CAPN13: variants seen among roughly 807,000 people sequenced by gnomAD.
CAPN13 encodes the protein calpain-13.
A neutral mutation model predicts 98.4 loss-of-function variants in CAPN13; 90 were observed. The observed-to-expected ratio is 0.92, with a 90% CI of 0.77 to 1.09. CAPN13 has a LOEUF of 1.09. Ranked by LOEUF, CAPN13 falls within the 50% of genes least tolerant of loss-of-function variation. The probability of loss-of-function intolerance (pLI) is 0.00; values close to 1 mark genes in which losing one functional copy is unlikely to be tolerated. For missense variants in CAPN13, 887 were observed against 841.3 expected (o/e 1.05, Z -0.67); for synonymous variants, 330 against 305.5 (o/e 1.08, Z -0.84).
chr2:30,784,738 T>C (rs1468926463), intron 2 of CAPN13, among the ~76,000 whole-genome samples: 2 of 152,202 alleles, frequency 1.3e-5, no homozygotes, highest in African/African-American at 4.8e-5. Flanking sequence ...AGCTCTAGTA[T>C]CATCTAACTA....
chr2:30,729,505 A>G (rs1670984767), intron 22 of CAPN13: 1 of 152,224 alleles, frequency 6.6e-6, no homozygotes. Context: ...GCTTAAATAT[A>G]CAATTGAAGA....
Position 30,738,221 on chromosome 2 carries a change from A to C in CAPN13, c.1653+14T>G, listed in dbSNP as rs769260752. ...GGGTGCTCAGAGCATGGGAGGGATG[A>C]CCGCAAAGGATACTTCCATCAGAGC... On this transcript the variant is annotated intron_variant, in intron 17 of 22. Coordinates refer to ENST00000295055, the MANE Select transcript of CAPN13 (RefSeq NM_144575.3). The C allele has an allele frequency of 1.2e-6, 2 of 1,613,866 alleles. No individual in the cohort carries two copies. Among genetic ancestry groups the C allele is most frequent in the Non-Finnish European group, 1.7e-6 (2 of 1,179,828 alleles).
intron 1 of CAPN13, among the ~76,000 whole-genome samples, chr2:30,799,672 G>A (rs570792815): frequency 5.9e-5 from 9 of 152,174 alleles, no homozygotes; most frequent in Non-Finnish European, 1.2e-4. Flanking sequence ...GAGGGGCAGA[G>A]GTAAGCTAGT....
intron 5 of CAPN13, 84 bp downstream of exon 5, chr2:30,770,229 T>C: frequency 3.9e-6 from 6 of 1,540,492 alleles, no homozygotes; most frequent in Non-Finnish European, 5.3e-6. Flanking sequence ...AAGGCTGCAA[T>C]GCTCCAACAG....
chr2:30,804,446 G>T (rs779882292), intron 1 of CAPN13, among the ~76,000 whole-genome samples: 2 of 152,048 alleles, frequency 1.3e-5, no homozygotes, highest in Non-Finnish European at 2.9e-5. Flanking sequence ...CAGGCAATCC[G>T]CCCACCTCGG....
At chr2:30,794,469 A>G (rs978962876) in intron 1 of CAPN13, among the ~76,000 whole-genome samples, 3 of 151,964 alleles carry the variant, frequency 2.0e-5, no homozygotes, top group African/African-American at 7.2e-5. Flanking sequence ...TGGTATGACT[A>G]CATTAGAAAA....
intron 2 of CAPN13, among the ~76,000 whole-genome samples, chr2:30,785,107 C>T (rs921669216): frequency 6.6e-6 from 1 of 152,232 alleles, no homozygotes; most frequent in African/African-American, 2.4e-5. Context: ...GCATCAGGCA[C>T]ATGTAGATAG....
intron 8 of CAPN13, among the ~76,000 whole-genome samples, chr2:30,757,473 G>A (rs955227698): frequency 3.9e-5 from 6 of 152,190 alleles, no homozygotes; most frequent in African/African-American, 9.6e-5. Flanking sequence ...CCCAGGCGCC[G>A]AGTACTCATG....
chr2:30,751,331 T>G, intron 10 of CAPN13, 80 bp from the exon 11 acceptor site: 1 of 1,501,354 alleles, frequency 6.7e-7, no homozygotes, highest in Non-Finnish European at 9.1e-7. Context: ...TGCAGAGAGT[T>G]CTGTGGGGTT....
At chr2:30,772,467 C>G (rs546632276) in intron 4 of CAPN13, among the ~76,000 whole-genome samples, 1 of 152,164 alleles carries the variant, frequency 6.6e-6, no homozygotes, top group African/African-American at 2.4e-5. Context: ...AAGGGCAAAG[C>G]GAGTCCTGCC....
At chr2:30,766,344 A>C (rs960803543) in intron 5 of CAPN13, among the ~76,000 whole-genome samples, 1 of 151,900 alleles carries the variant, frequency 6.6e-6, no homozygotes, top group Non-Finnish European at 1.5e-5. Context: ...AACCAAAGGC[A>C]CTCCCTGCCA....
intron 2 of CAPN13, among the ~76,000 whole-genome samples, chr2:30,780,899 G>A (rs1486154987): frequency 6.6e-6 from 1 of 152,222 alleles, no homozygotes; most frequent in Non-Finnish European, 1.5e-5. Context: ...AAATGTGAAT[G>A]TGCTGACTCT....
chr2:30,722,828 C>G lies in CAPN13; in HGVS notation c.*439G>C, dbSNP rs115484220. 6.6e-6 allele frequency: 1 copy of G among 152,348 alleles called. No homozygotes were observed. The highest frequency in any genetic ancestry group is 1.5e-5 in the Non-Finnish European group (1 of 68,046). The allele number at this position is 152,348 out of a possible 1,614,324, so 9.4% of individuals were successfully genotyped here. ...AGCTGTGAAATCATCAGGATCCAGA[C>G]ATAAGATAGTGTAATTATTCTGCAA... On this transcript the variant is annotated 3_prime_UTR_variant, in exon 23 of 23. Transcript: ENST00000295055.
At chr2:30,734,619 AG>A in intron 18 of CAPN13, 95 bp from the exon 19 acceptor site, 1 of 948,626 alleles carries the variant, frequency 1.1e-6, no homozygotes, top group South Asian at 1.4e-5. Context: ...TAAACCTCAG[AG>A]GAAGGCACGG....
intron 2 of CAPN13, among the ~76,000 whole-genome samples, chr2:30,783,669 T>C (rs772955161): frequency 4.6e-5 from 7 of 152,156 alleles, no homozygotes; most frequent in Admixed American, 3.3e-4. Flanking sequence ...CTGGGATGAA[T>C]ACTCAAAACA....
intron 15 of CAPN13, among the ~76,000 whole-genome samples, chr2:30,740,941 A>T (rs991204151): frequency 6.6e-6 from 1 of 152,164 alleles, no homozygotes; most frequent in Admixed American, 6.5e-5. Context: ...TTCAATAGAA[A>T]TGACTGAGCA....
At position 30,732,510 on chromosome 2, in the gene CAPN13, A is replaced by G. The variant is rs377634748; in HGVS notation, c.1855T>C (p.Tyr619His). Residue 619 changes from tyrosine (Y) to histidine (H), a missense_variant, in exon 20 of 23, where the codon TAC becomes CAC. Coordinates refer to ENST00000295055, the MANE Select transcript of CAPN13 (RefSeq NM_144575.3). ...RELLHLVTLR[Y>H]SDSVGRVSFP... ...CTGACCCTGCCGACGCTGTCGCTGT[A>G]CCTGAGGGTCACCAGATGCAGCAGC... The G allele has an allele frequency of 6.1e-5, 98 of 1,612,210 alleles. No homozygotes were observed. The highest frequency in any genetic ancestry group is 7.8e-5 in the Non-Finnish European group (92 of 1,179,266).
intron 14 of CAPN13, 96 bp from the exon 15 acceptor site, chr2:30,742,060 G>C (rs1253308554): frequency 2.5e-6 from 3 of 1,189,918 alleles, no homozygotes; most frequent in Non-Finnish European, 3.7e-6. Flanking sequence ...CAAGATCTGA[G>C]AAAGAGTCTT....
chr2:30,740,331 G>A (rs1015431901), intron 15 of CAPN13, among the ~76,000 whole-genome samples: 6 of 152,084 alleles, frequency 3.9e-5, no homozygotes, highest in African/African-American at 7.2e-5. Context: ...CTGACCTCCC[G>A]ATCCACCTGC....
Sources: gnomAD v4.1 joint callset for allele counts (sites outside exome capture counted in the v4.1 genomes callset) on GRCh38, gnomAD v4.1.1 for gene constraint, MANE v1.5 for transcripts, NCBI Gene and HGNC (gene_info 2026-07-23, HGNC 2026-07-21) for gene names.